Variants in TBC1D5 observed in about 807,000 individuals in gnomAD.
The protein encoded by TBC1D5 is TBC1 domain family member 5.
A neutral mutation model predicts 100.3 loss-of-function variants in TBC1D5; 75 were observed. The ratio of observed to expected loss-of-function variants is 0.75; its 90% CI spans 0.62 to 0.91. TBC1D5 has a LOEUF of 0.91. Ranked by LOEUF, TBC1D5 falls within the 40% of genes least tolerant of loss-of-function variation. TBC1D5 has a pLI of 0.00. For missense variants in TBC1D5, 910 were observed against 942.4 expected (o/e 0.97, Z 0.45); for synonymous variants, 323 against 325.6 (o/e 0.99, Z 0.09).
intron 2 of TBC1D5, among the ~76,000 whole-genome samples, chr3:17,563,805 C>T (rs552484126): frequency 1.3e-5 from 2 of 152,010 alleles, no homozygotes; most frequent in South Asian, 2.1e-4. Flanking sequence ...TTTTTTGAGA[C>T]GGAGTCTCCC....
chr3:17,344,167 C>A (rs900066837), intron 13 of TBC1D5, among the ~76,000 whole-genome samples: 1 of 152,034 alleles, frequency 6.6e-6, no homozygotes, highest in Non-Finnish European at 1.5e-5. Flanking sequence ...CTAGAAAACC[C>A]GATTGTCTCA....
intron 8 of TBC1D5, among the ~76,000 whole-genome samples, chr3:17,400,555 C>G (rs1432171500): frequency 6.6e-6 from 1 of 151,968 alleles, no homozygotes; most frequent in African/African-American, 2.4e-5. Flanking sequence ...ATGGAACCCT[C>G]CTGTGATGGT....
intron 2 of TBC1D5, among the ~76,000 whole-genome samples, chr3:17,596,315 C>CA (rs2060560574): frequency 1.6e-5 from 2 of 126,010 alleles, no homozygotes; most frequent in African/African-American, 2.9e-5. Context: ...TCCAGCTTTC[C>CA]TTTTTTTTTT....
At chr3:17,670,912 G>A (rs1201435316) in intron 1 of TBC1D5, among the ~76,000 whole-genome samples, 2 of 152,176 alleles carry the variant, frequency 1.3e-5, no homozygotes, top group Non-Finnish European at 2.9e-5. Flanking sequence ...TGCACCACTA[G>A]CATCAAGGGA....
intron 1 of TBC1D5, among the ~76,000 whole-genome samples, chr3:17,676,776 A>G (rs1340566933): frequency 1.3e-5 from 2 of 152,208 alleles, no homozygotes; most frequent in African/African-American, 2.4e-5. Flanking sequence ...AATAACCAAA[A>G]CAGCATGGTA....
At chr3:17,579,726 T>C (rs952612843) in intron 2 of TBC1D5, among the ~76,000 whole-genome samples, 12 of 152,108 alleles carry the variant, frequency 7.9e-5, no homozygotes, top group Middle Eastern at 3.2e-3. Context: ...AAGGATACAT[T>C]ATTTTAAAAG....
chr3:17,553,628 A>G lies in TBC1D5; in HGVS notation c.-35-45023T>C, dbSNP rs565474923. Among the ~76,000 whole-genome samples, 486 of 152,326 alleles carry G rather than the reference A, an allele frequency of 3.2e-3. 3 individuals are homozygous for G. Among genetic ancestry groups the G allele is most frequent in the South Asian group, 0.02 (97 of 4,820 alleles). On this transcript the variant is annotated intron_variant, in intron 2 of 21. Transcript: ENST00000253692. The stretch of plus-strand genomic sequence containing the variant: ...AACAAAATTTGACTTGAATTGATAT[A>G]AAGCTATTTATGGTCTTTATTTAAC...
intron 18 of TBC1D5, among the ~76,000 whole-genome samples, chr3:17,188,690 A>G (rs1164449847): frequency 6.6e-6 from 1 of 152,204 alleles, no homozygotes; most frequent in African/African-American, 2.4e-5. Context: ...ATTACACATA[A>G]AAGAAAGAGC....
chr3:17,190,633 T>G (rs2069757147), intron 18 of TBC1D5, among the ~76,000 whole-genome samples: 1 of 152,144 alleles, frequency 6.6e-6, no homozygotes, highest in Non-Finnish European at 1.5e-5. Context: ...ACATGCAGAC[T>G]ACTGTGGCCA....
At chr3:17,497,599 C>G (rs564998935) in intron 3 of TBC1D5, among the ~76,000 whole-genome samples, 7 of 152,298 alleles carry the variant, frequency 4.6e-5, no homozygotes, top group Admixed American at 4.6e-4. Flanking sequence ...ATTCACAAGT[C>G]TAATTAAGGA....
intron 13 of TBC1D5, among the ~76,000 whole-genome samples, chr3:17,345,697 T>G (rs1406998403): frequency 1.3e-5 from 2 of 151,892 alleles, no homozygotes; most frequent in South Asian, 2.1e-4. Context: ...TAGACTGGAT[T>G]AAGAAAATGT....
intron 13 of TBC1D5, among the ~76,000 whole-genome samples, chr3:17,312,771 T>A (rs190648788): frequency 6.6e-6 from 1 of 152,304 alleles, no homozygotes; most frequent in East Asian, 1.9e-4. Flanking sequence ...TTTGAAGCTG[T>A]TTTGTCAGAA....
chr3:17,365,749 T>C (rs2092078564), intron 13 of TBC1D5, among the ~76,000 whole-genome samples: 1 of 152,168 alleles, frequency 6.6e-6, no homozygotes, highest in Non-Finnish European at 1.5e-5. Flanking sequence ...GGGTCTTTGA[T>C]ATCTGGTGAA....
intron 2 of TBC1D5, among the ~76,000 whole-genome samples, chr3:17,613,193 C>T (rs551068275): frequency 8.9e-4 from 135 of 152,182 alleles, no homozygotes; most frequent in Non-Finnish European, 1.2e-3. Context: ...GCTTCATCCA[C>T]GTCCCTGCAA....
chr3:17,718,926 C>T (rs540360377), intron 1 of TBC1D5, among the ~76,000 whole-genome samples: 5 of 152,248 alleles, frequency 3.3e-5, no homozygotes, highest in Non-Finnish European at 5.9e-5. Flanking sequence ...ACCTATTTCA[C>T]CACTACATAC....
chr3:17,256,273 TTAC>T (rs1237519555), intron 16 of TBC1D5, among the ~76,000 whole-genome samples: 2 of 151,958 alleles, frequency 1.3e-5, no homozygotes, highest in African/African-American at 4.8e-5. Flanking sequence ...TCTGCTTCAA[TTAC>T]TACATTTTAT....
chr3:17,370,487 T>C (rs935246507), intron 13 of TBC1D5, among the ~76,000 whole-genome samples: 1 of 152,218 alleles, frequency 6.6e-6, no homozygotes, highest in African/African-American at 2.4e-5. Context: ...CTTTCAAATG[T>C]ACATAGCAAT....
intron 4 of TBC1D5, among the ~76,000 whole-genome samples, chr3:17,422,346 G>T (rs897218458): frequency 4.1e-4 from 60 of 147,174 alleles, no homozygotes; most frequent in African/African-American, 1.3e-3. Flanking sequence ...TTTGTTTTTT[G>T]TTTTTTTGTT....
At chr3:17,255,971 G>A (rs1013178512) in intron 16 of TBC1D5, among the ~76,000 whole-genome samples, 3 of 152,194 alleles carry the variant, frequency 2.0e-5, no homozygotes, top group African/African-American at 7.2e-5. Context: ...GGGAGGCGGA[G>A]CTTGCAGTAA....
Sources: allele counts gnomAD v4.1 joint callset (sites outside exome capture counted in the v4.1 genomes callset), GRCh38; gene constraint gnomAD v4.1.1; transcripts MANE v1.5; gene names NCBI Gene and HGNC (gene_info 2026-07-23, HGNC 2026-07-21).